The following CFAP74 variants were observed in gnomAD, a reference collection of about 807,000 sequenced individuals.
CFAP74 encodes cilia and flagella associated protein 74, also known as cilia- and flagella-associated protein 74.
A neutral mutation model predicts 188.9 loss-of-function variants in CFAP74; 124 were observed. The observed-to-expected ratio is 0.66, with a 90% CI of 0.57 to 0.76. The LOEUF (loss-of-function observed/expected upper bound fraction) is 0.76, where lower values mean the gene tolerates loss of function less well. Among genes scored for constraint, CFAP74 ranks in the 30% least tolerant of loss-of-function variants. CFAP74 has a pLI of 0.00. For synonymous variants in CFAP74, 956 were observed against 916.7 expected, an observed-to-expected ratio of 1.04 and a Z score of -0.77; for missense variants, 2,198 against 2,165.2, an observed-to-expected ratio of 1.02 and a Z score of -0.30.
At chr1:1,967,262 G>C (rs1261399318) in intron 11 of CFAP74, among the ~76,000 whole-genome samples, 1 of 152,220 alleles carries the variant, frequency 6.6e-6, no homozygotes, top group Non-Finnish European at 1.5e-5. Context: ...CTCTGGCTCT[G>C]TCCCAGGCCT....
At chr1:1,963,074 A>G (rs1028777746) in intron 14 of CFAP74, among the ~76,000 whole-genome samples, 1 of 152,250 alleles carries the variant, frequency 6.6e-6, no homozygotes, top group African/African-American at 2.4e-5. Context: ...AAATGAAGAC[A>G]GCTTTCACCT....
intron 21 of CFAP74, among the ~76,000 whole-genome samples, chr1:1,943,906 G>A (rs933811947): frequency 1.8e-4 from 28 of 152,318 alleles, no homozygotes; most frequent in African/African-American, 6.5e-4. Flanking sequence ...AGAAGCTGCA[G>A]TGTCCCCGGG....
intron 10 of CFAP74, among the ~76,000 whole-genome samples, chr1:1,970,428 C>T (rs779374511): frequency 6.0e-4 from 91 of 152,006 alleles, no homozygotes; most frequent in Non-Finnish European, 1.1e-3. Flanking sequence ...GAGAAGGGGC[C>T]GAGGGTTGGG....
chr1:1,994,952 C>T (rs751470161), intron 1 of CFAP74, among the ~76,000 whole-genome samples: 37 of 152,250 alleles, frequency 2.4e-4, no homozygotes, highest in Non-Finnish European at 4.3e-4. Context: ...CAGACAGAGG[C>T]GCTGGCTGAC....
intron 1 of CFAP74, among the ~76,000 whole-genome samples, chr1:1,997,028 A>T (rs558390344): frequency 6.6e-6 from 1 of 152,304 alleles, no homozygotes; most frequent in Non-Finnish European, 1.5e-5. Flanking sequence ...ACACTTAAAC[A>T]TTAAAAACAT....
chr1:1,940,175 C>T (rs942415113), intron 23 of CFAP74, 141 bp downstream of exon 23: 3 of 686,994 alleles, frequency 4.4e-6, no homozygotes, highest in Non-Finnish European at 7.4e-6. Flanking sequence ...GCAAGCCCCT[C>T]TGGCCGCTAG....
chr1:1,945,555 C>G (rs538922306), intron 20 of CFAP74, among the ~76,000 whole-genome samples: 122 of 152,164 alleles, frequency 8.0e-4, no homozygotes, highest in South Asian at 1.2e-3. Context: ...GGGCTGGGCA[C>G]GGTGGCTCAC....
intron 33 of CFAP74, among the ~76,000 whole-genome samples, chr1:1,925,172 A>ATG (rs1651773498): frequency 7.3e-6 from 1 of 137,912 alleles, no homozygotes; most frequent in East Asian, 2.3e-4. Context: ...GAGGGCACGC[A>ATG]GGGCAGGGCG....
chr1:1,923,958 C>A lies in CFAP74; in HGVS notation c.4235-29G>T. 1 of 1,586,958 alleles carries A rather than the reference C, an allele frequency of 6.3e-7. No individual in the cohort carries two copies. Among genetic ancestry groups the A allele is most frequent in the South Asian group, 1.2e-5 (1 of 86,092 alleles). ...CGGGTAGGGTGGGGTGCAGTTTGGCCTTCTCCACCTGCAATCACTGTCTGC... is the reference window on the plus strand; with the variant it reads ...CGGGTAGGGTGGGGTGCAGTTTGGCATTCTCCACCTGCAATCACTGTCTGC... On this transcript the variant is annotated intron_variant, in intron 34 of 38. Coordinates refer to ENST00000682832, the MANE Select transcript of CFAP74 (RefSeq NM_001304360.2). This position sits in a 1 kb window ranked among gnomAD's most constrained non-coding sequence, Gnocchi z 6.3.
intron 25 of CFAP74, among the ~76,000 whole-genome samples, chr1:1,935,166 C>G (rs34793596): frequency 0.61 from 38,194 of 62,932 alleles, 16,283 homozygotes; most frequent in African/African-American, 0.83. Context: ...TAGGTACACA[C>G]GTGTGTACGT....
At chr1:1,989,707 C>T (rs1251277061) in intron 2 of CFAP74, among the ~76,000 whole-genome samples, 4 of 152,212 alleles carry the variant, frequency 2.6e-5, no homozygotes, top group East Asian at 3.8e-4. Flanking sequence ...GTGAGCCACC[C>T]GTCTCGGCCT....
chr1:1,930,279 G>T lies in CFAP74; in HGVS notation c.3069C>A (p.His1023Gln). ...VGVHPPLELS[H>Q]YQIKFAATAL... ...CCGTGGCGGCAAACTTGATCTGGTA[G>T]TGGGACAGCTCCAGGGGTGGGTGGA... The change falls in exon 26 of 39, where the codon CAC becomes CAA. Residue 1023 changes from histidine (H) to glutamine (Q), a missense_variant. By Grantham distance (24) the His-to-Gln change is conservative. Coordinates refer to ENST00000682832, the MANE Select transcript of CFAP74 (RefSeq NM_001304360.2). 3 of 1,535,506 alleles carry T rather than the reference G, an allele frequency of 2.0e-6. No homozygotes were observed. The highest frequency in any genetic ancestry group is 2.6e-6 in the Non-Finnish European group (3 of 1,146,536).
chr1:1,993,106 C>A (rs1321364929), intron 1 of CFAP74, among the ~76,000 whole-genome samples: 5 of 147,726 alleles, frequency 3.4e-5, no homozygotes, highest in Admixed American at 1.4e-4. Flanking sequence ...GAGGCTGAGG[C>A]CCGAGAATTG....
Position 1,927,673 on chromosome 1 carries a change from C to G in CFAP74, c.3461G>C (p.Arg1154Pro). The change falls in exon 28 of 39, where the codon CGC (arginine) becomes CCC (proline). Residue 1154 changes from arginine (R) to proline (P), a missense_variant. By Grantham distance (103) the Arg-to-Pro change is moderately radical. Transcript: ENST00000682832. ...GACAGAGACTTTGAACAGCTTGTCG[C>G]GGTTCTGTGCTCGAAGAACGGAGAA... Reference protein sequence around the residue: ...LSFSVLRAQNRDKLFKVSVPH... With the variant: ...LSFSVLRAQNPDKLFKVSVPH... The G allele has an allele frequency of 6.5e-7, 1 of 1,550,192 alleles. No homozygotes were observed. The highest frequency in any genetic ancestry group is 8.7e-7 in the Non-Finnish European group (1 of 1,146,854).
chr1:1,971,728 C>T (rs1268706586), intron 9 of CFAP74, among the ~76,000 whole-genome samples: 1 of 152,272 alleles, frequency 6.6e-6, no homozygotes, highest in African/African-American at 2.4e-5. Context: ...ACTGCTTCCC[C>T]AACAAGACCA....
chr1:1,968,925 C>A lies in CFAP74; in HGVS notation c.1047-92G>T, dbSNP rs574866587. 1 of 750,736 alleles carries A rather than the reference C, an allele frequency of 1.3e-6. No homozygotes were observed. Among genetic ancestry groups the A allele is most frequent in the South Asian group, 1.8e-5 (1 of 55,850 alleles). The allele number at this position is 750,736 out of a possible 1,614,324, so 46.5% of individuals were successfully genotyped here. ...AGTGCCCGGCGGCCCCTCCCTAGCG[C>A]CCTCCTGGGGGCTCCGGTCCTGCCC... On this transcript the variant is annotated intron_variant, in intron 10 of 38. Coordinates refer to ENST00000682832, the MANE Select transcript of CFAP74 (RefSeq NM_001304360.2). This position sits in a 1 kb window ranked among gnomAD's most constrained non-coding sequence, Gnocchi z 4.3.
In CFAP74 at chr1:1,942,406, G is replaced by A. The variant is rs368562970; in HGVS notation, c.2487-250C>T. Among the ~76,000 whole-genome samples, 13 of 152,254 alleles carry A rather than the reference G, an allele frequency of 8.5e-5. No individual in the cohort carries two copies. Among genetic ancestry groups the A allele is most frequent in the Admixed American group, 2.6e-4 (4 of 15,298 alleles). On this transcript the variant is annotated intron_variant, in intron 21 of 38. Transcript: ENST00000682832. This position sits in a 1 kb window ranked among gnomAD's most constrained non-coding sequence, Gnocchi z 4.3. ...AATAACCACATCGAAACGGAAGCAC[G>A]GTCCTAATGGGCTCTCGGGAACCAG...
In CFAP74 at chr1:1,944,629, C is replaced by T. The variant is rs974494716; in HGVS notation, c.2365-177G>A. 6.6e-5 allele frequency among the ~76,000 whole-genome samples: 10 copies of T among 152,058 alleles called. No individual in the cohort carries two copies. The South Asian group carries it at 1.0e-3, about 16-fold the overall frequency. On this transcript the variant is annotated intron_variant, in intron 20 of 38. Transcript: ENST00000682832. ...TTCAAAATATTCTTTTTTTTTGAGA[C>T]GGAGTCTCGCTCTGTCGCCCAGGCT...
chr1:1,976,600 C>T (rs4388640), intron 6 of CFAP74, among the ~76,000 whole-genome samples: 46,195 of 152,070 alleles, frequency 0.3, 7,279 homozygotes, highest in Non-Finnish European at 0.34. Context: ...TGGAGTGCAG[C>T]GGCATGATTT....
Sources: gnomAD v4.1 joint callset for allele counts (sites outside exome capture counted in the v4.1 genomes callset) on GRCh38, gnomAD v4.1.1 for gene constraint, Gnocchi (gnomAD v3.1) non-coding constraint, MANE v1.5 for transcripts, NCBI Gene and HGNC (gene_info 2026-07-23, HGNC 2026-07-21) for gene names.